Variants in NAA15 observed in about 807,000 individuals in gnomAD.
NAA15 encodes N-alpha-acetyltransferase 15, NatA auxiliary subunit.
In NAA15, 34 loss-of-function variants were observed where a neutral mutation model predicts 114.0. That is an observed-to-expected ratio of 0.30 (90% confidence interval 0.23 to 0.40). The LOEUF (loss-of-function observed/expected upper bound fraction) is 0.40. NAA15 is among the 10% of genes least tolerant of loss of function. The pLI, the probability that NAA15 is intolerant of heterozygous loss-of-function variation, is 1.00. For missense variants in NAA15, 658 were observed against 1,004.5 expected (o/e 0.66, Z 4.66); for synonymous variants, 340 against 338.0 (o/e 1.01, Z -0.06).
In NAA15 at chr4:139,386,206, A is replaced by G. The variant is rs1029425812; in HGVS notation, c.2376A>G (p.Glu792=). ...RAIELATTLD[E]SLTNRNLQTC... is the part of the protein sequence containing the mutation. ...TAGAGTTGGCAACAACACTTGATGAATCTCTCACTAACAGAAACCTCCAGG... is the reference window on the plus strand; with the variant it reads ...TAGAGTTGGCAACAACACTTGATGAGTCTCTCACTAACAGAAACCTCCAGG... The change falls in exon 19 of 20, where the codon GAA becomes GAG. Residue 792 remains glutamate, a synonymous_variant. Transcript: ENST00000296543. 2 of 1,606,758 alleles carry G rather than the reference A, an allele frequency of 1.2e-6. No individual in the cohort carries two copies. The highest frequency in any genetic ancestry group is 2.2e-5 in the East Asian group (1 of 44,616).
chr4:139,301,665 C>A lies in NAA15; in HGVS notation c.-113C>A. 2 of 1,248,848 alleles carry A rather than the reference C, an allele frequency of 1.6e-6. No homozygotes were observed. The highest frequency in any genetic ancestry group is 2.2e-6 in the Non-Finnish European group (2 of 898,200). The allele number at this position is 1,248,848 out of a possible 1,614,324, so 77.4% of individuals were successfully genotyped here. Reference sequence around the variant, plus strand: ...GGCGACACCCGAGGCCTGGTGGTGGCGGCGGATCGAGATATTCAAGGCTGA... The same window carrying A: ...GGCGACACCCGAGGCCTGGTGGTGGAGGCGGATCGAGATATTCAAGGCTGA... On this transcript the variant is annotated 5_prime_UTR_variant, in exon 1 of 20. Coordinates refer to ENST00000296543, the MANE Select transcript of NAA15 (RefSeq NM_057175.5).
At chr4:139,345,784 G>A (rs1313452505) in intron 6 of NAA15, among the ~76,000 whole-genome samples, 1 of 152,136 alleles carries the variant, frequency 6.6e-6, no homozygotes, top group African/African-American at 2.4e-5. Context: ...AGCCAGGCGT[G>A]GTGGCAGGCG....
At chr4:139,382,932 A>G (rs1337936899) in intron 17 of NAA15, among the ~76,000 whole-genome samples, 1 of 152,204 alleles carries the variant, frequency 6.6e-6, no homozygotes, top group Non-Finnish European at 1.5e-5. Context: ...ATCCATTAGC[A>G]GGATAGTGGG....
intron 1 of NAA15, among the ~76,000 whole-genome samples, chr4:139,306,532 G>A (rs1746023373): frequency 6.6e-6 from 1 of 151,610 alleles, no homozygotes; most frequent in South Asian, 2.1e-4. Flanking sequence ...ACTGCACCTG[G>A]TCCTATGTAA....
intron 12 of NAA15, 138 bp downstream of exon 12, chr4:139,360,033 A>T (rs1260792767): frequency 2.6e-6 from 2 of 783,152 alleles, no homozygotes; most frequent in Non-Finnish European, 3.8e-6. Flanking sequence ...AAATCACTGT[A>T]TCAGAAGATA....
In NAA15 at chr4:139,331,707, C is replaced by T. The variant is rs527706288; in HGVS notation, c.55-2467C>T. ...CTCGAACTCTTGACCTTAAGTGATCCGCTCACCTCAGCCTCCCAAAGTGCT... is the reference window on the plus strand; with the variant it reads ...CTCGAACTCTTGACCTTAAGTGATCTGCTCACCTCAGCCTCCCAAAGTGCT... On this transcript the variant is annotated intron_variant, in intron 1 of 19. Transcript: ENST00000296543. Among the ~76,000 whole-genome samples, 207 of 151,228 alleles carry T rather than the reference C, an allele frequency of 1.4e-3. 1 individual carries two copies. Among genetic ancestry groups the T allele is most frequent in the African/African-American group, 4.7e-3 (192 of 41,142 alleles).
chr4:139,311,959 C>CT (rs1746240246), intron 1 of NAA15, among the ~76,000 whole-genome samples: 3 of 150,676 alleles, frequency 2.0e-5, no homozygotes, highest in East Asian at 2.0e-4. Context: ...TAGCGAGACT[C>CT]TATCTCTTTA....
chr4:139,336,262 C>T lies in NAA15; in HGVS notation c.140-586C>T, dbSNP rs958147165. ...ACATATAAAATTAGAGTTTAGTTTT[C>T]CTCTTCTGAAAACTTAATATTTCTT... On this transcript the variant is annotated intron_variant, in intron 2 of 19. Coordinates refer to ENST00000296543, the MANE Select transcript of NAA15 (RefSeq NM_057175.5). Among the ~76,000 whole-genome samples, 4 of 152,198 alleles carry T rather than the reference C, an allele frequency of 2.6e-5. No homozygotes were observed. The South Asian group carries it at 8.3e-4, about 32-fold the overall frequency.
At chr4:139,333,633 T>G (rs1412487396) in intron 1 of NAA15, among the ~76,000 whole-genome samples, 1 of 152,190 alleles carries the variant, frequency 6.6e-6, no homozygotes, top group African/African-American at 2.4e-5. Flanking sequence ...TCCCAGCCCC[T>G]GGGGAGGCCG....
intron 1 of NAA15, among the ~76,000 whole-genome samples, chr4:139,333,825 A>G (rs1747111045): frequency 6.6e-6 from 1 of 152,144 alleles, no homozygotes; most frequent in Non-Finnish European, 1.5e-5. Context: ...CCTTGGGCCC[A>G]GGTGGATATG....
intron 18 of NAA15, among the ~76,000 whole-genome samples, chr4:139,385,282 TA>T (rs1560984036): frequency 2.7e-5 from 2 of 74,496 alleles, no homozygotes; most frequent in African/African-American, 6.0e-5. Flanking sequence ...TATATATATA[TA>T]ATATATATAT....
chr4:139,305,460 G>A (rs1466187757), intron 1 of NAA15, among the ~76,000 whole-genome samples: 2 of 149,674 alleles, frequency 1.3e-5, no homozygotes, highest in Non-Finnish European at 3.0e-5. Flanking sequence ...TTTTTTGCCC[G>A]GTCTGATAAA....
At position 139,307,237 on chromosome 4, in the gene NAA15, A is replaced by C. The variant is rs567812911; in HGVS notation, c.54+5406A>C. Among the ~76,000 whole-genome samples the C allele has an allele frequency of 5.3e-5, 8 of 152,328 alleles. No individual in the cohort carries two copies. The East Asian group carries it at 1.5e-3, about 29-fold the overall frequency. ...GATGGAAATATTTGTTATCTGCTCT[A>C]ATATGATAGCCATTGGCCATGTGTA... On this transcript the variant is annotated intron_variant, in intron 1 of 19. Transcript: ENST00000296543.
chr4:139,321,056 G>T (rs6536063), intron 1 of NAA15, among the ~76,000 whole-genome samples: 9,625 of 150,398 alleles, frequency 0.064, 998 homozygotes, highest in African/African-American at 0.22. Flanking sequence ...TTTTTTTTTT[G>T]ATCTTCTCAA....
chr4:139,388,340 C>G lies in NAA15; in HGVS notation c.*256C>G, dbSNP rs1459650661. 1.1e-5 allele frequency: 3 copies of G among 274,530 alleles called. No homozygotes were observed. Among genetic ancestry groups the G allele is most frequent in the Non-Finnish European group, 2.1e-5 (3 of 145,910 alleles). 17.0% of individuals were successfully genotyped at this position (274,530 alleles called of 1,614,324 possible). A position where few individuals can be genotyped will look rare whatever the true frequency, so the allele number is the denominator to read the frequency against. ...GTTAAAAAAGATACCTTATCCTATT[C>G]CTCCCCACCCACCCATGTTTTTAAA... On this transcript the variant is annotated 3_prime_UTR_variant, in exon 20 of 20. Coordinates refer to ENST00000296543, the MANE Select transcript of NAA15 (RefSeq NM_057175.5).
rs1414831576 is a variant in NAA15 at position 139,301,766 on chromosome 4, G to A, written c.-12G>A. 1 of 1,567,730 alleles carries A rather than the reference G, an allele frequency of 6.4e-7. No homozygotes were observed. The highest frequency in any genetic ancestry group is 8.7e-7 in the Non-Finnish European group (1 of 1,155,704). On this transcript the variant is annotated 5_prime_UTR_variant, in exon 1 of 20. Transcript: ENST00000296543. ...CCGGGTGGTGGCGGGAGCAGCGGGA[G>A]CAGCCGGAACGATGCCGGCCGTGAG...
At chr4:139,362,276 T>C (rs994387458) in intron 14 of NAA15, among the ~76,000 whole-genome samples, 1 of 152,212 alleles carries the variant, frequency 6.6e-6, no homozygotes, top group Non-Finnish European at 1.5e-5. Context: ...GTGTTGGCTA[T>C]TAGTATTACT....
At chr4:139,334,085 G>T in intron 1 of NAA15, 89 bp from the exon 2 acceptor site, 1 of 762,034 alleles carries the variant, frequency 1.3e-6, no homozygotes, top group Non-Finnish European at 2.2e-6. Flanking sequence ...GCATTCTGTT[G>T]TATTTAACAG....
At chr4:139,365,900 T>C (rs1489303756) in intron 14 of NAA15, among the ~76,000 whole-genome samples, 1 of 152,202 alleles carries the variant, frequency 6.6e-6, no homozygotes, top group Non-Finnish European at 1.5e-5. Flanking sequence ...ATATCTATCA[T>C]GTAGCAAGGC....
Sources: allele counts gnomAD v4.1 joint callset (sites outside exome capture counted in the v4.1 genomes callset), GRCh38; gene constraint gnomAD v4.1.1; transcripts MANE v1.5; gene names NCBI Gene and HGNC (gene_info 2026-07-23, HGNC 2026-07-21).